UTRN: variants seen among roughly 807,000 people sequenced by gnomAD.
UTRN encodes the protein utrophin, also known as dystrophin-related protein 1.
In UTRN, 283 loss-of-function variants were observed where a neutral mutation model predicts 463.9. The observed-to-expected ratio is 0.61, with a 90% CI of 0.55 to 0.67. The LOEUF is 0.67. Ranked by LOEUF, UTRN falls within the 30% of genes least tolerant of loss-of-function variation. UTRN has a pLI of 0.00. For missense variants in UTRN, 3,922 were observed against 4,084.3 expected, an observed-to-expected ratio of 0.96 and a Z score of 1.08; for synonymous variants, 1,442 against 1,431.5, an observed-to-expected ratio of 1.01 and a Z score of -0.17.
chr6:144,756,395 A>G (rs1214841728), intron 57 of UTRN, among the ~76,000 whole-genome samples: 1 of 152,176 alleles, frequency 6.6e-6, no homozygotes, highest in Non-Finnish European at 1.5e-5. Context: ...ACATTTTTGT[A>G]AAAGTCAAAT....
intron 2 of UTRN, among the ~76,000 whole-genome samples, chr6:144,389,501 AT>A (rs1329600362): frequency 1.3e-5 from 2 of 151,864 alleles, no homozygotes; most frequent in Non-Finnish European, 2.9e-5. Flanking sequence ...GCTTAAAAAA[AT>A]TTTTTTTGCA....
At chr6:144,794,658 G>T (rs1777058015) in intron 63 of UTRN, among the ~76,000 whole-genome samples, 1 of 152,174 alleles carries the variant, frequency 6.6e-6, no homozygotes, top group African/African-American at 2.4e-5. Flanking sequence ...GTTGTATCCT[G>T]TCTTAGTTCA....
At chr6:144,623,465 C>T (rs1215994892) in intron 51 of UTRN, among the ~76,000 whole-genome samples, 2 of 152,128 alleles carry the variant, frequency 1.3e-5, no homozygotes, top group Non-Finnish European at 2.9e-5. Context: ...GTACTTGTTA[C>T]TCTTAACTAC....
chr6:144,794,087 T>C lies in UTRN; in HGVS notation c.9078+96T>C. On this transcript the variant is annotated intron_variant, in intron 63 of 74. Coordinates refer to ENST00000367545, the MANE Select transcript of UTRN (RefSeq NM_007124.3). ...ATAGGGAACTCGGGCTGGAGCCAAA[T>C]ACTGGAAGACTTTGGGTACCATCCA... 3.3e-6 allele frequency: 5 copies of C among 1,496,154 alleles called. 1 individual carries two copies. In the South Asian group the frequency reaches 5.4e-5, roughly 16 times the overall value. The allele number at this position is 1,496,154 out of a possible 1,614,324, so 92.7% of individuals were successfully genotyped here.
chr6:144,610,850 C>T (rs1447835239), intron 51 of UTRN, among the ~76,000 whole-genome samples: 1 of 151,990 alleles, frequency 6.6e-6, no homozygotes, highest in African/African-American at 2.4e-5. Context: ...ACTCCAGCCT[C>T]GGGGACAAGA....
chr6:144,609,256 TCA>T (rs1002420152), intron 51 of UTRN, among the ~76,000 whole-genome samples: 2 of 152,092 alleles, frequency 1.3e-5, no homozygotes, highest in African/African-American at 2.4e-5. Context: ...AAAAGATATT[TCA>T]CACACATGGA....
chr6:144,576,930 T>G (rs1801494926), intron 50 of UTRN, among the ~76,000 whole-genome samples, 169 bp from the exon 51 acceptor site: 1 of 152,246 alleles, frequency 6.6e-6, no homozygotes, highest in Admixed American at 6.5e-5. Flanking sequence ...ATCCCTCCAC[T>G]AAGGATTATT....
chr6:144,759,788 C>T (rs2128727104), intron 58 of UTRN, among the ~76,000 whole-genome samples: 1 of 152,196 alleles, frequency 6.6e-6, no homozygotes, highest in East Asian at 1.9e-4. Flanking sequence ...GGGATTCTCT[C>T]TTAGAACCTC....
chr6:144,672,158 GA>G (rs1454848953), intron 51 of UTRN, among the ~76,000 whole-genome samples: 2 of 151,894 alleles, frequency 1.3e-5, no homozygotes, highest in Non-Finnish European at 2.9e-5. Flanking sequence ...GTATCAGGGT[GA>G]TACTGGCTTC....
rs373852374 is a variant in UTRN, at chr6:144,477,053, A to G, written c.3336+2294A>G. ...TGAGATAGGAGAATTTATCAAGTGA[A>G]GTCTGTGATTATGCGAGGATGAGAT... is the stretch of plus-strand genomic sequence containing the variant. On this transcript the variant is annotated intron_variant, in intron 25 of 74. Transcript: ENST00000367545. Among the ~76,000 whole-genome samples, 3 of 152,202 alleles carry G rather than the reference A, an allele frequency of 2.0e-5. No homozygotes were observed. The South Asian group carries it at 6.2e-4, about 32-fold the overall frequency.
intron 41 of UTRN, among the ~76,000 whole-genome samples, chr6:144,526,282 A>G (rs1796563793): frequency 1.3e-5 from 2 of 152,282 alleles, no homozygotes; most frequent in Non-Finnish European, 2.9e-5. Context: ...TCAGTGGAGT[A>G]TTGAAGTCCA....
intron 51 of UTRN, among the ~76,000 whole-genome samples, chr6:144,600,790 A>G (rs1161350068): frequency 3.3e-5 from 5 of 152,246 alleles, no homozygotes; most frequent in African/African-American, 1.2e-4. Context: ...GCAGCTTTCA[A>G]TTAGATGTCA....
Position 144,499,238 on chromosome 6 carries a change from C to T in UTRN, c.4594-19C>T. 2 of 1,606,834 alleles carry T rather than the reference C, an allele frequency of 1.2e-6. No homozygotes were observed. The highest frequency in any genetic ancestry group is 1.3e-5 in the African/African-American group (1 of 74,898). Reference sequence around the variant, plus strand: ...TTCCCATCTCAGTCTCAGTCTCTCCCTGCCTCTCTCCGTCTCAGGTGACAG... The same window carrying T: ...TTCCCATCTCAGTCTCAGTCTCTCCTTGCCTCTCTCCGTCTCAGGTGACAG... On this transcript the variant is annotated intron_variant, in intron 33 of 74. Transcript: ENST00000367545.
intron 60 of UTRN, among the ~76,000 whole-genome samples, chr6:144,774,910 C>T (rs1775185940): frequency 6.6e-6 from 1 of 152,138 alleles, no homozygotes; most frequent in Non-Finnish European, 1.5e-5. Flanking sequence ...GCAGTCCTTT[C>T]ATCAAAAGGA....
chr6:144,501,470 C>T (rs542214396), intron 34 of UTRN, among the ~76,000 whole-genome samples: 75 of 151,930 alleles, frequency 4.9e-4, no homozygotes, highest in African/African-American at 1.7e-3. Context: ...GAGCACATTT[C>T]GATGTGCACA....
chr6:144,325,618 GTA>G (rs757547862), intron 2 of UTRN, among the ~76,000 whole-genome samples: 25 of 152,204 alleles, frequency 1.6e-4, no homozygotes, highest in Non-Finnish European at 2.9e-4. Flanking sequence ...TGGGAGTACA[GTA>G]TAGTTACAGC....
intron 51 of UTRN, among the ~76,000 whole-genome samples, chr6:144,673,393 A>G (rs1585920875): frequency 6.6e-6 from 1 of 151,922 alleles, no homozygotes; most frequent in African/African-American, 2.4e-5. Context: ...TTATCATTAT[A>G]TAATATCCTT....
At position 144,751,971 on chromosome 6, in the gene UTRN, T is replaced by A; in HGVS notation, c.8355+19T>A. ...TTTACAGGTATCAGCTTATTCCCCTTCATAATGCAGGCTTACACCTTGGGT... is the reference window on the plus strand; with the variant it reads ...TTTACAGGTATCAGCTTATTCCCCTACATAATGCAGGCTTACACCTTGGGT... On this transcript the variant is annotated intron_variant, in intron 56 of 74. Transcript: ENST00000367545. 6.3e-7 allele frequency: 1 copy of A among 1,593,644 alleles called. No homozygotes were observed. Among genetic ancestry groups the A allele is most frequent in the Non-Finnish European group, 8.5e-7 (1 of 1,171,320 alleles).
intron 51 of UTRN, among the ~76,000 whole-genome samples, chr6:144,651,023 G>T (rs1778769109): frequency 6.6e-6 from 1 of 151,732 alleles, no homozygotes; most frequent in Admixed American, 6.6e-5. Flanking sequence ...CTCATAACAA[G>T]TTTTCTTTGT....
Sources: gnomAD v4.1 joint callset for allele counts (sites outside exome capture counted in the v4.1 genomes callset) on GRCh38, gnomAD v4.1.1 for gene constraint, MANE v1.5 for transcripts, NCBI Gene and HGNC (gene_info 2026-07-23, HGNC 2026-07-21) for gene names.